NTM: variants seen among roughly 807,000 people sequenced by gnomAD.
NTM encodes the protein neurotrimin.
A neutral mutation model predicts 42.1 loss-of-function variants in NTM; 13 were observed. The observed-to-expected ratio is 0.31, with a 90% CI of 0.20 to 0.49. NTM has a LOEUF of 0.49. Among genes scored for constraint, NTM ranks in the 20% least tolerant of loss-of-function variants. The probability of loss-of-function intolerance (pLI) is 0.99; values close to 1 mark genes in which losing one functional copy is unlikely to be tolerated. For missense variants in NTM, 373 were observed against 452.8 expected, an observed-to-expected ratio of 0.82 and a Z score of 1.60; for synonymous variants, 187 against 179.2, an observed-to-expected ratio of 1.04 and a Z score of -0.35.
chr11:132,330,853 G>A (rs2095789789), intron 8 of NTM, among the ~76,000 whole-genome samples: 1 of 152,186 alleles, frequency 6.6e-6, no homozygotes, highest in Non-Finnish European at 1.5e-5. Context: ...GAAGAATGGA[G>A]GCCTCATCTG....
intron 3 of NTM, among the ~76,000 whole-genome samples, chr11:132,162,393 G>A (rs2074483946): frequency 6.7e-6 from 1 of 149,782 alleles, no homozygotes; most frequent in Admixed American, 6.7e-5. Flanking sequence ...TGTGTTTGTG[G>A]GTCATGTGTG....
intron 7 of NTM, among the ~76,000 whole-genome samples, chr11:132,316,686 G>A (rs372961072): frequency 6.6e-6 from 1 of 152,272 alleles, no homozygotes; most frequent in Non-Finnish European, 1.5e-5. Context: ...TCATTCCTGA[G>A]GAGTCCATCA....
At chr11:132,006,758 A>C (rs933011716) in intron 2 of NTM, among the ~76,000 whole-genome samples, 2 of 152,344 alleles carry the variant, frequency 1.3e-5, no homozygotes, top group East Asian at 1.9e-4. Flanking sequence ...ATTGTGATGC[A>C]TTTGTCCTCC....
At chr11:132,017,034 C>G (rs2073535338) in intron 2 of NTM, among the ~76,000 whole-genome samples, 1 of 151,928 alleles carries the variant, frequency 6.6e-6, no homozygotes, top group Admixed American at 6.6e-5. Context: ...ATTCTGGACA[C>G]AAATCCTTTA....
chr11:131,486,727 T>C (rs957106357), intron 1 of NTM, among the ~76,000 whole-genome samples: 7 of 152,200 alleles, frequency 4.6e-5, no homozygotes, highest in Non-Finnish European at 8.8e-5. Flanking sequence ...TGTCACCTTC[T>C]TCCTTTCCTT....
At chr11:131,983,643 T>C (rs1189051587) in intron 2 of NTM, among the ~76,000 whole-genome samples, 3 of 152,220 alleles carry the variant, frequency 2.0e-5, no homozygotes, top group Non-Finnish European at 4.4e-5. Context: ...CCCAAAGTGC[T>C]GGTATTACAG....
chr11:132,239,099 A>G (rs933184800), intron 4 of NTM, among the ~76,000 whole-genome samples: 2 of 152,224 alleles, frequency 1.3e-5, no homozygotes, highest in Non-Finnish European at 2.9e-5. Context: ...CCCAGATACA[A>G]TAGACACCAG....
At chr11:132,114,350 C>T (rs925700874) in intron 2 of NTM, among the ~76,000 whole-genome samples, 4 of 152,164 alleles carry the variant, frequency 2.6e-5, no homozygotes, top group African/African-American at 7.2e-5. Flanking sequence ...GACCCAGTGT[C>T]CTCCTCCTTA....
chr11:132,275,662 G>A (rs189395399), intron 4 of NTM, among the ~76,000 whole-genome samples: 1 of 106,242 alleles, frequency 9.4e-6, no homozygotes, highest in Admixed American at 8.8e-5. Flanking sequence ...TTACAATTGT[G>A]CATATTTATG....
chr11:132,226,155 A>G (rs766065566), intron 4 of NTM, among the ~76,000 whole-genome samples: 13 of 152,238 alleles, frequency 8.5e-5, no homozygotes, highest in Non-Finnish European at 2.9e-5. Flanking sequence ...TATTGTGAAC[A>G]GTTCCGTAAT....
chr11:131,978,560 A>G (rs2064767680), intron 2 of NTM, among the ~76,000 whole-genome samples: 2 of 152,066 alleles, frequency 1.3e-5, no homozygotes, highest in African/African-American at 4.8e-5. Context: ...AGGCTCCTGC[A>G]GCAGTAACCT....
chr11:132,253,098 T>C (rs1393098534), intron 4 of NTM, among the ~76,000 whole-genome samples: 1 of 152,198 alleles, frequency 6.6e-6, no homozygotes, highest in African/African-American at 2.4e-5. Flanking sequence ...CCAACAACAA[T>C]GTTTCTAGAA....
rs76246151 is a variant in NTM at position 131,373,825 on chromosome 11, C to G, written c.82+2937C>G. On this transcript the variant is annotated intron_variant, in intron 1 of 8. Coordinates refer to ENST00000683400, the MANE Select transcript of NTM (RefSeq NM_001352005.2). ...CCTTTCTCATTTCCTCACCTCTCCT[C>G]ACATCCCGCATCCGCTTAGCAGCTA... 9.5e-3 allele frequency among the ~76,000 whole-genome samples: 1,444 copies of G among 152,328 alleles called. 27 individuals carry two copies. Among genetic ancestry groups the G allele is most frequent in the African/African-American group, 0.032 (1,320 of 41,578 alleles).
rs923586026 is a variant in NTM at position 132,336,006 on chromosome 11, C to T, written c.*860C>T. On this transcript the variant is annotated 3_prime_UTR_variant, in exon 9 of 9. Transcript: ENST00000683400. ...GATTTGGCATATCCACCAAAAAATG[C>T]ATCCGATTTAACCAACATCTCCACC... The T allele has an allele frequency of 1.3e-5, 2 of 152,562 alleles. No homozygotes were observed. The highest frequency in any genetic ancestry group is 4.8e-5 in the African/African-American group (2 of 41,414). The allele number at this position is 152,562 out of a possible 1,614,324, so 9.5% of individuals were successfully genotyped here. A position where few individuals can be genotyped will look rare whatever the true frequency, so the allele number is the denominator to read the frequency against.
intron 2 of NTM, among the ~76,000 whole-genome samples, chr11:132,091,273 T>C (rs1310584413): frequency 1.3e-5 from 2 of 151,888 alleles, no homozygotes; most frequent in African/African-American, 4.8e-5. Flanking sequence ...CTGGGCATAG[T>C]GGCACATGAC....
At chr11:131,844,370 A>T (rs1461588220) in intron 1 of NTM, among the ~76,000 whole-genome samples, 1 of 151,954 alleles carries the variant, frequency 6.6e-6, no homozygotes, top group Non-Finnish European at 1.5e-5. Flanking sequence ...ACACTACCTT[A>T]ATTCCTGTAG....
intron 2 of NTM, among the ~76,000 whole-genome samples, chr11:132,096,671 G>C (rs76838361): frequency 2.0e-5 from 3 of 152,184 alleles, no homozygotes; most frequent in African/African-American, 7.2e-5. Context: ...ATCAGGCTCC[G>C]CTCGGCCAGC....
chr11:132,135,051 C>T (rs1340300338), intron 2 of NTM, among the ~76,000 whole-genome samples: 1 of 152,054 alleles, frequency 6.6e-6, no homozygotes, highest in African/African-American at 2.4e-5. Flanking sequence ...CCAAATCCTC[C>T]TCCCCTCCCC....
intron 1 of NTM, among the ~76,000 whole-genome samples, chr11:131,785,840 C>T (rs1431726741): frequency 6.6e-6 from 1 of 152,232 alleles, no homozygotes; most frequent in Non-Finnish European, 1.5e-5. Flanking sequence ...GCCTATTAAA[C>T]AGTCTGTCAA....
Sources: gnomAD v4.1 joint callset for allele counts (sites outside exome capture counted in the v4.1 genomes callset) on GRCh38, gnomAD v4.1.1 for gene constraint, MANE v1.5 for transcripts, NCBI Gene and HGNC (gene_info 2026-07-23, HGNC 2026-07-21) for gene names.